The following ATIC variants were observed in gnomAD, a reference collection of about 807,000 sequenced individuals.
ATIC encodes the protein 5-aminoimidazole-4-carboxamide ribonucleotide formyltransferase/IMP cyclohydrolase.
Under a neutral mutation model 72.5 loss-of-function variants are expected in ATIC, and 64 were observed. The observed-to-expected ratio is 0.88, with a 90% CI of 0.72 to 1.09. The LOEUF (loss-of-function observed/expected upper bound fraction) is 1.09, where lower values mean the gene tolerates loss of function less well. Among genes scored for constraint, ATIC ranks in the 50% least tolerant of loss-of-function variants. The probability of loss-of-function intolerance (pLI) is 0.00; values close to 1 mark genes in which losing one functional copy is unlikely to be tolerated. For synonymous variants in ATIC, 281 were observed against 267.1 expected (o/e 1.05, Z -0.51); for missense variants, 787 against 732.4 (o/e 1.07, Z -0.86).
the ATIC span, chr2:215,361,357 A>G: frequency 1.6e-6 from 1 of 634,986 alleles, no homozygotes; most frequent in East Asian, 2.7e-5. Flanking sequence ...TGCAGCCCTC[A>G]TTTATGAGAA....
rs2052665153 is a variant in ATIC, at chr2:215,312,541, A to G, written c.63A>G (p.Ala21=). The change falls in exon 2 of 16, where the codon GCA becomes GCG. Residue 21 remains alanine (A), a synonymous_variant. Transcript: ENST00000236959. ...VSDKTGLVEF[A]RNLTALGLNL... is the part of the protein sequence containing the mutation. ...ACAAAACCGGCCTTGTGGAATTTGC[A>G]AGAAACCTGACCGCTCTTGGTTTGA... 1.9e-6 allele frequency: 3 copies of G among 1,614,160 alleles called. No individual in the cohort carries two copies. The highest frequency in any genetic ancestry group is 2.5e-6 in the Non-Finnish European group (3 of 1,180,008).
chr2:215,346,971 G>T (rs749413437), intron 14 of ATIC, 30 bp downstream of exon 14: 87 of 1,611,248 alleles, frequency 5.4e-5, no homozygotes, highest in Non-Finnish European at 7.0e-5. Context: ...GTTCTCGGCT[G>T]TGTTAATATT....
At chr2:215,350,539 T>G (rs528618749), downstream of ATIC, among the ~76,000 whole-genome samples, 15 of 152,308 alleles carry the variant, frequency 9.8e-5, 1 homozygote, top group South Asian at 3.1e-3. Flanking sequence ...GGGATTGGTT[T>G]AAGTCTTGTT....
At chr2:215,313,479 G>A (rs1188470528) in intron 2 of ATIC, among the ~76,000 whole-genome samples, 1 of 152,156 alleles carries the variant, frequency 6.6e-6, no homozygotes. Context: ...GGAGGAGAGG[G>A]AGGAAGTCTA....
intron 12 of ATIC, among the ~76,000 whole-genome samples, chr2:215,344,052 A>G (rs112254802): frequency 3.7e-4 from 57 of 152,364 alleles, no homozygotes; most frequent in African/African-American, 1.3e-3. Flanking sequence ...TGTGTGCATC[A>G]TAACGATTTG....
chr2:215,320,410 G>T (rs931251433), intron 4 of ATIC, among the ~76,000 whole-genome samples: 3 of 152,120 alleles, frequency 2.0e-5, no homozygotes, highest in Admixed American at 2.0e-4. Flanking sequence ...TGATTCTATA[G>T]ACAGTACAAG....
the ATIC span, chr2:215,364,850 T>TACA: frequency 6.8e-7 from 1 of 1,462,388 alleles, no homozygotes; most frequent in Non-Finnish European, 9.3e-7. Flanking sequence ...TTATCTAACT[T>TACA]GTAGGGAGCC....
At chr2:215,320,582 A>T (rs1341407425) in intron 4 of ATIC, among the ~76,000 whole-genome samples, 4 of 151,946 alleles carry the variant, frequency 2.6e-5, no homozygotes, top group East Asian at 3.9e-4. Flanking sequence ...TTCTTAATTT[A>T]ATTTAATTTT....
chr2:215,317,315 A>G (rs1462056263), intron 2 of ATIC, among the ~76,000 whole-genome samples: 1 of 152,248 alleles, frequency 6.6e-6, no homozygotes, highest in African/African-American at 2.4e-5. Context: ...AAAACTTGGA[A>G]AGCATTCCTC....
the ATIC span, chr2:215,368,168 A>G: frequency 1.1e-5 from 10 of 923,886 alleles, no homozygotes; most frequent in African/African-American, 4.9e-5. Context: ...CATCTGTTCT[A>G]TCAAGGCATT....
the ATIC span, chr2:215,364,841 T>G: frequency 2.9e-6 from 4 of 1,398,266 alleles, no homozygotes; most frequent in Non-Finnish European, 4.0e-6. Flanking sequence ...CCCTTTATCT[T>G]ATCTAACTTG....
chr2:215,359,732 AGTAT>A, the ATIC span, among the ~76,000 whole-genome samples: 27 of 138,092 alleles, frequency 2.0e-4, no homozygotes, highest in African/African-American at 5.0e-4. Flanking sequence ...AATGGGAGTT[AGTAT>A]TTTTTTTTTT....
rs566550238 is a variant in ATIC, at chr2:215,326,007, G to A, written c.400G>A (p.Ala134Thr). The change falls in exon 6 of 16, where the codon GCT becomes ACT. Residue 134 changes from alanine to threonine, a missense_variant. Coordinates refer to ENST00000236959, the MANE Select transcript of ATIC (RefSeq NM_004044.7). Reference sequence around the variant, plus strand: ...CAAAGGTGGAGTAACCTTACTGAGAGCTGCAGCCAAAAACCACGCTCGAGT... The same window carrying A: ...CAAAGGTGGAGTAACCTTACTGAGAACTGCAGCCAAAAACCACGCTCGAGT... ...IDIGGVTLLRAAAKNHARVTV... is the reference protein window; with the variant it reads ...IDIGGVTLLRTAAKNHARVTV... 5 of 1,614,164 alleles carry A rather than the reference G, an allele frequency of 3.1e-6. No individual in the cohort carries two copies. In the South Asian group the frequency reaches 5.5e-5, roughly 18 times the overall value.
the ATIC span, among the ~76,000 whole-genome samples, chr2:215,359,463 C>T: frequency 6.6e-6 from 1 of 152,164 alleles, no homozygotes; most frequent in Non-Finnish European, 1.5e-5. Context: ...TGATGACCGA[C>T]ATATGTGAGA....
At chr2:215,354,855 A>G in the ATIC span, among the ~76,000 whole-genome samples, 18 of 151,148 alleles carry the variant, frequency 1.2e-4, no homozygotes, top group Admixed American at 1.2e-3. Flanking sequence ...ATTTTCCCTG[A>G]CTAACATTGG....
downstream of ATIC, among the ~76,000 whole-genome samples, chr2:215,354,114 G>A (rs1370933449): frequency 6.6e-6 from 1 of 151,950 alleles, no homozygotes; most frequent in Admixed American, 6.6e-5. Flanking sequence ...CACAGCCTCT[G>A]CCTCCATGGT....
chr2:215,315,865 G>T (rs1009979116), intron 2 of ATIC, among the ~76,000 whole-genome samples: 2 of 151,804 alleles, frequency 1.3e-5, no homozygotes, highest in East Asian at 1.9e-4. Context: ...TGAGGCAGGA[G>T]AATTGCTTGA....
At chr2:215,347,155 A>T (rs1214694755) in intron 14 of ATIC, 4 of 617,050 alleles carry the variant, frequency 6.5e-6, no homozygotes, top group Non-Finnish European at 1.1e-5. Context: ...TTCTGAAACC[A>T]CAGTCCTCTG....
rs571308359 is a variant in ATIC at position 215,312,109 on chromosome 2, C to T, written c.-34C>T. On this transcript the variant is annotated 5_prime_UTR_variant, in exon 1 of 16. Coordinates refer to ENST00000236959, the MANE Select transcript of ATIC (RefSeq NM_004044.7). ...TGCGCACGTGGTGCCGCCGCTGCTG[C>T]CTCCCGCTCGCCCTGAACCCAGTGC... The T allele has an allele frequency of 6.5e-5, 99 of 1,530,632 alleles. No individual in the cohort carries two copies. In the African/African-American group the frequency reaches 1.1e-3, roughly 18 times the overall value. 94.8% of individuals were successfully genotyped at this position (1,530,632 alleles called of 1,614,324 possible). A position where few individuals can be genotyped will look rare whatever the true frequency, so the allele number is the denominator to read the frequency against.
Sources: gnomAD v4.1 joint callset for allele counts (sites outside exome capture counted in the v4.1 genomes callset) on GRCh38, gnomAD v4.1.1 for gene constraint, MANE v1.5 for transcripts, NCBI Gene and HGNC (gene_info 2026-07-23, HGNC 2026-07-21) for gene names.